Variants in ALMS1 observed in about 807,000 individuals in gnomAD.
ALMS1 encodes ALMS1 centrosome and basal body associated protein, also known as centrosome-associated protein ALMS1.
A neutral mutation model predicts 352.2 loss-of-function variants in ALMS1; 271 were observed. That is an observed-to-expected ratio of 0.77 (90% CI 0.70 to 0.85). ALMS1 has a LOEUF of 0.85. Ranked by LOEUF, ALMS1 falls within the 40% of genes least tolerant of loss-of-function variation. The pLI, the probability that ALMS1 is intolerant of heterozygous loss-of-function variation, is 0.00. For missense variants in ALMS1, 5,445 were observed against 4,870.7 expected, an observed-to-expected ratio of 1.12 and a Z score of -3.51; for synonymous variants, 1,865 against 1,761.2, an observed-to-expected ratio of 1.06 and a Z score of -1.48.
At chr2:73,503,422 A>G (rs1673257377) in intron 10 of ALMS1, among the ~76,000 whole-genome samples, 1 of 152,210 alleles carries the variant, frequency 6.6e-6, no homozygotes, top group Admixed American at 6.5e-5. Context: ...TACAAAGGAC[A>G]TGAACTCATC....
chr2:73,406,425 T>C (rs1447500489), intron 1 of ALMS1, among the ~76,000 whole-genome samples: 2 of 151,582 alleles, frequency 1.3e-5, no homozygotes, highest in Non-Finnish European at 2.9e-5. Flanking sequence ...TCCTGTTTTT[T>C]AATCCTATGG....
intron 1 of ALMS1, among the ~76,000 whole-genome samples, chr2:73,398,676 A>G (rs1670814085): frequency 6.6e-6 from 1 of 152,112 alleles, no homozygotes; most frequent in South Asian, 2.1e-4. Flanking sequence ...TTATACCTAA[A>G]TATTTTATTT....
chr2:73,520,295 C>T (rs978440163), intron 11 of ALMS1, among the ~76,000 whole-genome samples: 1 of 152,088 alleles, frequency 6.6e-6, no homozygotes, highest in Non-Finnish European at 1.5e-5. Context: ...GCAAGTAGTT[C>T]ATAACAACTT....
intron 12 of ALMS1, among the ~76,000 whole-genome samples, chr2:73,542,472 C>G (rs1674207308): frequency 6.6e-6 from 1 of 152,188 alleles, no homozygotes; most frequent in African/African-American, 2.4e-5. Context: ...GATGCCCTCT[C>G]TCACCACTCC....
At chr2:73,396,317 C>T (rs929231137) in intron 1 of ALMS1, among the ~76,000 whole-genome samples, 15 of 151,842 alleles carry the variant, frequency 9.9e-5, no homozygotes, top group African/African-American at 2.7e-4. Flanking sequence ...CACACACACA[C>T]ACACACACAC....
intron 10 of ALMS1, among the ~76,000 whole-genome samples, chr2:73,503,929 G>T (rs1033171633): frequency 6.6e-6 from 1 of 152,060 alleles, no homozygotes; most frequent in South Asian, 2.1e-4. Flanking sequence ...TTTTATGGAA[G>T]GTATGTTTAA....
At chr2:73,590,677 CTT>C (rs35264211) in intron 16 of ALMS1, among the ~76,000 whole-genome samples, 18 of 108,442 alleles carry the variant, frequency 1.7e-4, no homozygotes, top group African/African-American at 5.1e-4. Flanking sequence ...TGTTTTATTA[CTT>C]TTTTTTTTTT....
At position 73,419,275 on chromosome 2, in the gene ALMS1, AGTAAAG is replaced by A. The variant is rs1553399981; in HGVS notation, c.605_610del (p.Val202_Lys203del). On this transcript the variant is annotated inframe_deletion, in exon 3 of 23. Transcript: ENST00000613296. ...GCATATTGACGCAATCAGAAAATCA[AGTAAAG>A]GAACCCAACAGAGATCTCTTCTGTT... 1 of 1,614,120 alleles carries A rather than the reference AGTAAAG, an allele frequency of 6.2e-7. No individual in the cohort carries two copies. Among genetic ancestry groups the A allele is most frequent in the Non-Finnish European group, 8.5e-7 (1 of 1,179,998 alleles).
rs761800808 is a variant in ALMS1, at chr2:73,424,485, A to T, written c.820A>T (p.Ser274Cys). The change falls in exon 5 of 23, where the codon AGT becomes TGT. Residue 274 changes from serine (S) to cysteine (C), a missense_variant. Coordinates refer to ENST00000613296, the MANE Select transcript of ALMS1 (RefSeq NM_001378454.1). ...TEWSSRPSEV[S>C]EALFQATAEV... The stretch of plus-strand genomic sequence containing the variant: ...ATGGTCTTCTCGACCATCGGAAGTT[A>T]GTGAAGCTTTATTCCAGGCTACTGC... The T allele has an allele frequency of 6.2e-7, 1 of 1,604,120 alleles. No homozygotes were observed. The highest frequency in any genetic ancestry group is 1.3e-5 in the African/African-American group (1 of 74,498).
chr2:73,391,928 T>C (rs1416228677), intron 1 of ALMS1, among the ~76,000 whole-genome samples: 4 of 152,158 alleles, frequency 2.6e-5, no homozygotes, highest in Admixed American at 2.6e-4. Flanking sequence ...CTATATATGT[T>C]CTCCTTTCTT....
chr2:73,602,358 G>A lies in ALMS1; in HGVS notation c.12288G>A (p.Leu4096=), dbSNP rs1266824471. The A allele has an allele frequency of 4.3e-6, 7 of 1,614,160 alleles. No individual in the cohort carries two copies. The East Asian group carries it at 1.3e-4, about 31-fold the overall frequency. Residue 4096 remains leucine, a synonymous_variant, in exon 20 of 23, where the codon CTG becomes CTA. Coordinates refer to ENST00000613296, the MANE Select transcript of ALMS1 (RefSeq NM_001378454.1). ...GCCACCAGAATCGCATGTGCCCGCT[G>A]CCCAAGAGAGGTACGCCCTGCCCGT... The part of the protein sequence containing the change: ...RQGHQNRMCP[L]PKRVFLAIQK...
intron 3 of ALMS1, among the ~76,000 whole-genome samples, chr2:73,421,506 A>G (rs1382758549): frequency 1.3e-5 from 2 of 152,136 alleles, no homozygotes; most frequent in Admixed American, 6.5e-5. Context: ...AACTGTACCA[A>G]TTGTTCCTTG....
chr2:73,488,934 C>T (rs1002742836), intron 9 of ALMS1, among the ~76,000 whole-genome samples: 3 of 152,116 alleles, frequency 2.0e-5, no homozygotes, highest in Non-Finnish European at 1.5e-5. Context: ...GTAGGTCAAG[C>T]TTCTGTAATA....
chr2:73,485,229 A>T (rs1388723148), intron 9 of ALMS1, among the ~76,000 whole-genome samples: 2 of 152,104 alleles, frequency 1.3e-5, no homozygotes, highest in Admixed American at 1.3e-4. Flanking sequence ...GTCTTTGATG[A>T]TGGTGATGTA....
At chr2:73,508,564 G>A (rs1673385498) in intron 10 of ALMS1, among the ~76,000 whole-genome samples, 1 of 152,096 alleles carries the variant, frequency 6.6e-6, no homozygotes, top group African/African-American at 2.4e-5. Context: ...GGGACTGTTT[G>A]TTATGATTTT....
In ALMS1 at chr2:73,602,359, C is replaced by G; in HGVS notation, c.12289C>G (p.Pro4097Ala). The stretch of plus-strand genomic sequence containing the variant: ...CCACCAGAATCGCATGTGCCCGCTG[C>G]CCAAGAGAGGTACGCCCTGCCCGTT... ...QGHQNRMCPL[P>A]KRVFLAIQKN... is the part of the protein sequence containing the mutation. Residue 4097 changes from proline (P) to alanine (A), a missense_variant, in exon 20 of 23, where the codon CCC becomes GCC. Physicochemically the swap from Pro to Ala is conservative, Grantham distance 27. Transcript: ENST00000613296. 6.2e-7 allele frequency: 1 copy of G among 1,614,106 alleles called. No individual in the cohort carries two copies. Among genetic ancestry groups the G allele is most frequent in the South Asian group, 1.1e-5 (1 of 91,076 alleles).
At chr2:73,438,484 T>C (rs1438322623) in intron 7 of ALMS1, among the ~76,000 whole-genome samples, 2 of 152,196 alleles carry the variant, frequency 1.3e-5, no homozygotes, top group Non-Finnish European at 2.9e-5. Context: ...CATTAGAAAG[T>C]AGGGTAGTGA....
chr2:73,605,826 A>G (rs1027630852), intron 21 of ALMS1, among the ~76,000 whole-genome samples: 2 of 151,934 alleles, frequency 1.3e-5, no homozygotes, highest in African/African-American at 2.4e-5. Flanking sequence ...CTGGGCAACA[A>G]GTGCGAAACT....
chr2:73,491,025 G>T lies in ALMS1; in HGVS notation c.9066G>T (p.Gln3022His), dbSNP rs2103894473. 1 of 1,614,194 alleles carries T rather than the reference G, an allele frequency of 6.2e-7. No individual in the cohort carries two copies. Among genetic ancestry groups the T allele is most frequent in the East Asian group, 2.2e-5 (1 of 44,880 alleles). Reference sequence around the variant, plus strand: ...CCAAGTTCAATACTGTGGTCTCCCAGTCAGCCCCAAATCACTGTACATTAG... The same window carrying T: ...CCAAGTTCAATACTGTGGTCTCCCATTCAGCCCCAAATCACTGTACATTAG... ...VEAKFNTVVS[Q>H]SAPNHCTLAA... The change falls in exon 10 of 23, where the codon CAG becomes CAT. Residue 3022 changes from glutamine (Q) to histidine (H), a missense_variant. Transcript: ENST00000613296.
Sources: gnomAD v4.1 joint callset for allele counts (sites outside exome capture counted in the v4.1 genomes callset) on GRCh38, gnomAD v4.1.1 for gene constraint, MANE v1.5 for transcripts, NCBI Gene and HGNC (gene_info 2026-07-23, HGNC 2026-07-21) for gene names.